The following ZNF708 variants were observed in gnomAD, a reference collection of about 807,000 sequenced individuals.
ZNF708 encodes the protein zinc finger protein 708.
A neutral mutation model predicts 47.0 loss-of-function variants in ZNF708; 44 were observed. The observed-to-expected ratio is 0.94, with a 90% CI of 0.74 to 1.20. The LOEUF is 1.20. Among genes scored for constraint, ZNF708 ranks in the 50% most tolerant of loss-of-function variants. The pLI is 0.00. For synonymous variants in ZNF708, 184 were observed against 218.5 expected (o/e 0.84, Z 1.39); for missense variants, 557 against 656.0 (o/e 0.85, Z 1.65).
chr19:21,294,916 A>C (rs1972498167), intron 3 of ZNF708, among the ~76,000 whole-genome samples, 177 bp from the exon 4 acceptor site: 1 of 152,222 alleles, frequency 6.6e-6, no homozygotes, highest in Non-Finnish European at 1.5e-5. Flanking sequence ...TTTGTAAAAA[A>C]TTTATAAATA....
chr19:21,293,036 T>C lies in ZNF708; in HGVS notation c.*238A>G. 1 of 485,228 alleles carries C rather than the reference T, an allele frequency of 2.1e-6. No homozygotes were observed. Among genetic ancestry groups the C allele is most frequent in the Non-Finnish European group, 3.6e-6 (1 of 275,454 alleles). 30.1% of individuals were successfully genotyped at this position (485,228 alleles called of 1,614,324 possible). On this transcript the variant is annotated 3_prime_UTR_variant, in exon 4 of 4. Coordinates refer to ENST00000356929, the MANE Select transcript of ZNF708 (RefSeq NM_021269.3). ...ATTACTGTGATGTCTTCCAGCTTTG[T>C]AGTTTCTCTCCAGTTTAAGTTTTTT...
chr19:21,316,782 ATCTC>A (rs1449205096), intron 1 of ZNF708, among the ~76,000 whole-genome samples: 1 of 147,386 alleles, frequency 6.8e-6, no homozygotes. Context: ...GTGAAATCCC[ATCTC>A]TCTTTTTTTT....
At chr19:21,326,273 T>C (rs1455165098) in intron 1 of ZNF708, among the ~76,000 whole-genome samples, 1 of 152,212 alleles carries the variant, frequency 6.6e-6, no homozygotes, top group Admixed American at 6.5e-5. Flanking sequence ...CGCATGTTCA[T>C]AGTGGCACAT....
intron 3 of ZNF708, among the ~76,000 whole-genome samples, chr19:21,299,735 T>C (rs901287954): frequency 6.8e-6 from 1 of 147,920 alleles, no homozygotes; most frequent in African/African-American, 2.5e-5. Context: ...ATCACACCAC[T>C]GCACTCCAGC....
intron 2 of ZNF708, 94 bp downstream of exon 2, chr19:21,310,407 T>G: frequency 1.8e-6 from 1 of 542,594 alleles, no homozygotes; most frequent in Non-Finnish European, 2.5e-6. Context: ...ATTGCGCCAC[T>G]GCACTCCAGC....
rs376141393 is a variant in ZNF708, at chr19:21,318,010, C to T, written c.4-7383G>A. Among the ~76,000 whole-genome samples, 26 of 152,232 alleles carry T rather than the reference C, an allele frequency of 1.7e-4. 1 individual carries two copies. The East Asian group carries it at 2.3e-3, about 14-fold the overall frequency. On this transcript the variant is annotated intron_variant, in intron 1 of 3. Coordinates refer to ENST00000356929, the MANE Select transcript of ZNF708 (RefSeq NM_021269.3). ...ACTCAGCTACAGCACTCCTGCTTGC[C>T]GTCTACTTATGGCTAGTGTCCTCTC...
intron 3 of ZNF708, among the ~76,000 whole-genome samples, chr19:21,303,208 T>C (rs1972693843): frequency 6.6e-6 from 1 of 152,176 alleles, no homozygotes; most frequent in African/African-American, 2.4e-5. Context: ...GCCATGATCA[T>C]GCCACTGAAA....
chr19:21,298,864 C>T (rs189962439), intron 3 of ZNF708, among the ~76,000 whole-genome samples: 10 of 152,116 alleles, frequency 6.6e-5, no homozygotes, highest in East Asian at 1.9e-4. Context: ...AATATAAAAA[C>T]GGAATATCAC....
At chr19:21,316,590 C>T (rs1973017958) in intron 1 of ZNF708, among the ~76,000 whole-genome samples, 2 of 152,304 alleles carry the variant, frequency 1.3e-5, no homozygotes, top group East Asian at 1.9e-4. Flanking sequence ...CATATCTATT[C>T]AATGCACACA....
intron 1 of ZNF708, among the ~76,000 whole-genome samples, chr19:21,327,085 A>C (rs546714319): frequency 5.6e-4 from 85 of 152,300 alleles, no homozygotes; most frequent in Admixed American, 1.4e-3. Context: ...TTTTTCTGAA[A>C]TCCACCTCTT....
At chr19:21,304,306 C>T (rs1033748272) in intron 3 of ZNF708, among the ~76,000 whole-genome samples, 9 of 150,764 alleles carry the variant, frequency 6.0e-5, no homozygotes, top group South Asian at 2.1e-4. Flanking sequence ...ATCAATAGAG[C>T]GTAACCTTTT....
At chr19:21,327,312 C>T (rs1973279364) in intron 1 of ZNF708, among the ~76,000 whole-genome samples, 1 of 151,910 alleles carries the variant, frequency 6.6e-6, no homozygotes. Flanking sequence ...GGCGGATCAC[C>T]TGAGGTCTGG....
At chr19:21,314,705 C>T (rs865975654) in intron 1 of ZNF708, among the ~76,000 whole-genome samples, 1 of 152,130 alleles carries the variant, frequency 6.6e-6, no homozygotes, top group African/African-American at 2.4e-5. Flanking sequence ...TGTTTTTACC[C>T]AAGTACCAGA....
intron 1 of ZNF708, among the ~76,000 whole-genome samples, chr19:21,311,279 T>G (rs1972893466): frequency 6.6e-6 from 1 of 152,148 alleles, no homozygotes; most frequent in Admixed American, 6.6e-5. Flanking sequence ...TGATGATTTA[T>G]GCACATTAGC....
intron 1 of ZNF708, among the ~76,000 whole-genome samples, chr19:21,319,123 T>G (rs1973074881): frequency 6.6e-6 from 1 of 152,182 alleles, no homozygotes; most frequent in African/African-American, 2.4e-5. Flanking sequence ...AGATTCAAAG[T>G]AAATATTTTG....
rs762046403 is a variant in ZNF708 at position 21,293,968 on chromosome 19, T to TC, written c.997dup (p.Glu333GlyfsTer7). ...ACATTCTTCACATTTGTAGGGTTTCTCACCAGTATGAATCCTCTTATGTGT... is the reference window on the plus strand; with the variant it reads ...ACATTCTTCACATTTGTAGGGTTTCTCCACCAGTATGAATCCTCTTATGTGT... On this transcript the variant is annotated frameshift_variant, in exon 4 of 4. Coordinates refer to ENST00000356929, the MANE Select transcript of ZNF708 (RefSeq NM_021269.3). LOFTEE classifies it high-confidence loss of function. 3 of 1,612,864 alleles carry TC rather than the reference T, an allele frequency of 1.9e-6. No homozygotes were observed. The East Asian group carries it at 6.7e-5, about 36-fold the overall frequency.
At chr19:21,320,476 A>G (rs1048945706) in intron 1 of ZNF708, among the ~76,000 whole-genome samples, 1 of 151,512 alleles carries the variant, frequency 6.6e-6, no homozygotes, top group Admixed American at 6.6e-5. Flanking sequence ...GCCTGAGCTC[A>G]GAAGTTTGAG....
At chr19:21,294,932 A>C (rs532002843) in intron 3 of ZNF708, among the ~76,000 whole-genome samples, 193 bp from the exon 4 acceptor site, 2 of 152,320 alleles carry the variant, frequency 1.3e-5, no homozygotes, top group South Asian at 4.1e-4. Context: ...AAATAAGTAA[A>C]GTCTGTGCAG....
At chr19:21,310,476 T>TTA in intron 2 of ZNF708, 25 bp downstream of exon 2, 2 of 1,021,632 alleles carry the variant, frequency 2.0e-6, no homozygotes, top group East Asian at 4.1e-5. Flanking sequence ...TAATAAAAAT[T>TTA]AAAAAAAAAA....
Sources: allele counts gnomAD v4.1 joint callset (sites outside exome capture counted in the v4.1 genomes callset), GRCh38; gene constraint gnomAD v4.1.1; transcripts MANE v1.5; gene names NCBI Gene and HGNC (gene_info 2026-07-23, HGNC 2026-07-21).